The following FBXW7 variants were observed in gnomAD, a reference collection of about 807,000 sequenced individuals.
FBXW7 encodes F-box/WD repeat-containing protein 7.
In FBXW7, 11 loss-of-function variants were observed where a neutral mutation model predicts 86.3. That is an observed-to-expected ratio of 0.13 (90% CI 0.08 to 0.21). The LOEUF (loss-of-function observed/expected upper bound fraction) is 0.21, where lower values mean the gene tolerates loss of function less well. FBXW7 is among the 10% of genes least tolerant of loss of function. The pLI is 1.00. For missense variants in FBXW7, 488 were observed against 847.4 expected (o/e 0.58, Z 5.27); for synonymous variants, 313 against 297.9 (o/e 1.05, Z -0.52).
chr4:152,408,730 TA>T (rs1213133476), intron 4 of FBXW7, among the ~76,000 whole-genome samples: 1 of 152,082 alleles, frequency 6.6e-6, no homozygotes, highest in African/African-American at 2.4e-5. Context: ...AATTCAACCA[TA>T]GGGGGCAGCA....
intron 2 of FBXW7, among the ~76,000 whole-genome samples, chr4:152,420,490 A>T (rs953642371): frequency 6.6e-5 from 10 of 152,160 alleles, no homozygotes; most frequent in Non-Finnish European, 1.3e-4. Flanking sequence ...TCCTTCCCAG[A>T]AGGTTTTTGG....
intron 2 of FBXW7, among the ~76,000 whole-genome samples, chr4:152,497,409 C>G (rs1746473558): frequency 6.8e-6 from 1 of 146,822 alleles, no homozygotes; most frequent in South Asian, 2.2e-4. Context: ...TTACCAAAAC[C>G]ATTAATATCC....
At chr4:152,452,768 GAAGA>G (rs1742025437) in intron 2 of FBXW7, among the ~76,000 whole-genome samples, 1 of 152,078 alleles carries the variant, frequency 6.6e-6, no homozygotes, top group Non-Finnish European at 1.5e-5. Flanking sequence ...TTTTTCCTGA[GAAGA>G]AATACATAAA....
rs2126883269 is a variant in FBXW7 at position 152,411,806 on chromosome 4, C to A, written c.-3G>T. 6.3e-7 allele frequency: 1 copy of A among 1,599,746 alleles called. No homozygotes were observed. Among genetic ancestry groups the A allele is most frequent in the Non-Finnish European group, 8.5e-7 (1 of 1,171,768 alleles). ...ACAGAGAGCAGTTCCTGATTCATTT[C>A]CAAAAGCCAGCTTGCTACTTCTTGG... On this transcript the variant is annotated 5_prime_UTR_variant, in exon 4 of 14. Transcript: ENST00000281708.
At chr4:152,327,592 T>C (rs1729166559) in intron 11 of FBXW7, among the ~76,000 whole-genome samples, 1 of 152,036 alleles carries the variant, frequency 6.6e-6, no homozygotes, top group South Asian at 2.1e-4. Flanking sequence ...TTTTGAAAAC[T>C]GGATCGAGGA....
At chr4:152,465,840 T>A (rs1303927423) in intron 2 of FBXW7, among the ~76,000 whole-genome samples, 7 of 123,280 alleles carry the variant, frequency 5.7e-5, no homozygotes, top group African/African-American at 2.1e-4. Flanking sequence ...TGAGACTCTT[T>A]CTCAAAAAAA....
At chr4:152,519,943 C>G (rs1282628123) in intron 2 of FBXW7, among the ~76,000 whole-genome samples, 2 of 152,166 alleles carry the variant, frequency 1.3e-5, no homozygotes, top group South Asian at 4.1e-4. Flanking sequence ...ACATCAGTAG[C>G]TATTTCATAT....
intron 4 of FBXW7, among the ~76,000 whole-genome samples, chr4:152,365,139 A>G (rs1733354126): frequency 6.6e-6 from 1 of 152,262 alleles, no homozygotes; most frequent in East Asian, 1.9e-4. Flanking sequence ...CGCTGAATGA[A>G]TGACTGAGCT....
intron 2 of FBXW7, among the ~76,000 whole-genome samples, chr4:152,413,869 T>C (rs1479920394): frequency 6.6e-6 from 1 of 152,146 alleles, no homozygotes; most frequent in East Asian, 1.9e-4. Flanking sequence ...ATTAAAACAG[T>C]GATTTCAGAG....
chr4:152,465,836 T>C, intron 2 of FBXW7, among the ~76,000 whole-genome samples: 1 of 129,614 alleles, frequency 7.7e-6, no homozygotes, highest in South Asian at 2.6e-4. Flanking sequence ...AGAGTGAGAC[T>C]CTTTCTCAAA....
chr4:152,473,808 A>G (rs1560942329), intron 2 of FBXW7, among the ~76,000 whole-genome samples: 1 of 152,188 alleles, frequency 6.6e-6, no homozygotes, highest in Non-Finnish European at 1.5e-5. Context: ...TTCACCAAGA[A>G]TAACTTGAGA....
chr4:152,388,031 A>ATT (rs372291868), intron 4 of FBXW7, among the ~76,000 whole-genome samples: 1 of 149,510 alleles, frequency 6.7e-6, no homozygotes. Context: ...AAGTTTTAGT[A>ATT]TTTTTTTTTT....
rs970937962 is a variant in FBXW7 at position 152,358,601 on chromosome 4, CTT to C, written c.502-8479_502-8478del. ...TGATTTTGGATGTCATCTAATTCCT[CTT>C]TGTTTGTGGAATGAACACAAGCAAT... On this transcript the variant is annotated intron_variant, in intron 4 of 13. Coordinates refer to ENST00000281708, the MANE Select transcript of FBXW7 (RefSeq NM_001349798.2). Among the ~76,000 whole-genome samples, 11 of 152,086 alleles carry C rather than the reference CTT, an allele frequency of 7.2e-5. No homozygotes were observed. In the South Asian group the frequency reaches 8.3e-4, roughly 11 times the overall value.
chr4:152,500,517 A>T (rs947230110), intron 2 of FBXW7, among the ~76,000 whole-genome samples: 7 of 151,898 alleles, frequency 4.6e-5, no homozygotes, highest in African/African-American at 1.7e-4. Context: ...AAAAAAAAAA[A>T]AAACTTTAAA....
chr4:152,521,798 G>A (rs1404183247), intron 2 of FBXW7, among the ~76,000 whole-genome samples: 2 of 149,014 alleles, frequency 1.3e-5, no homozygotes, highest in African/African-American at 5.0e-5. Flanking sequence ...ACAAGGAATG[G>A]TAAGGGTCCA....
At chr4:152,396,373 C>T (rs1736419185) in intron 4 of FBXW7, among the ~76,000 whole-genome samples, 2 of 151,924 alleles carry the variant, frequency 1.3e-5, no homozygotes, top group Non-Finnish European at 2.9e-5. Flanking sequence ...CTCCCAACAT[C>T]GTCCTTCCCC....
intron 10 of FBXW7, among the ~76,000 whole-genome samples, chr4:152,329,415 T>G (rs1729347875): frequency 6.6e-6 from 1 of 151,866 alleles, no homozygotes; most frequent in African/African-American, 2.4e-5. Context: ...TTGAAAATGT[T>G]AAAGTATCTG....
At position 152,530,070 on chromosome 4, in the gene FBXW7, TACACAC is replaced by T. The variant is rs200498212; in HGVS notation, c.-120+4865_-120+4870del. 7.6e-3 allele frequency among the ~76,000 whole-genome samples: 946 copies of T among 124,654 alleles called. 6 individuals are homozygous for T. Among genetic ancestry groups the T allele is most frequent in the Middle Eastern group, 0.013 (3 of 230 alleles). 81.8% of individuals were successfully genotyped at this position (124,654 alleles called of 152,430 possible). A position where few individuals can be genotyped will look rare whatever the true frequency, so the allele number is the denominator to read the frequency against. On this transcript the variant is annotated intron_variant, in intron 2 of 13. Coordinates refer to ENST00000281708, the MANE Select transcript of FBXW7 (RefSeq NM_001349798.2). Reference sequence around the variant, plus strand: ...GACCCCGTCACAAAAAAAAAAAAAATACACACACACACACACACACACACACACACA... The same window carrying T: ...GACCCCGTCACAAAAAAAAAAAAAATACACACACACACACACACACACACA...
intron 6 of FBXW7, among the ~76,000 whole-genome samples, chr4:152,339,983 G>A (rs188165182): frequency 2.0e-5 from 3 of 150,652 alleles, no homozygotes; most frequent in South Asian, 4.2e-4. Context: ...GGCTTTTGGA[G>A]GATAGGGTGT....
Sources: allele counts gnomAD v4.1 joint callset (sites outside exome capture counted in the v4.1 genomes callset), GRCh38; gene constraint gnomAD v4.1.1; transcripts MANE v1.5; gene names NCBI Gene and HGNC (gene_info 2026-07-23, HGNC 2026-07-21).